Variants in EEF1AKMT1 observed in about 807,000 individuals in gnomAD.
EEF1AKMT1 encodes the protein EEF1A lysine methyltransferase 1.
In EEF1AKMT1, 18 loss-of-function variants were observed where a neutral mutation model predicts 21.0. That is an observed-to-expected ratio of 0.86 (90% CI 0.59 to 1.27). EEF1AKMT1 has a LOEUF of 1.27. EEF1AKMT1 is among the 50% of genes most tolerant of loss of function. The pLI, the probability that EEF1AKMT1 is intolerant of heterozygous loss-of-function variation, is 0.00. For synonymous variants in EEF1AKMT1, 109 were observed against 94.8 expected, an observed-to-expected ratio of 1.15 and a Z score of -0.87; for missense variants, 246 against 258.6, an observed-to-expected ratio of 0.95 and a Z score of 0.33.
At chr13:20,737,380 C>A (rs929616050) in intron 3 of EEF1AKMT1, among the ~76,000 whole-genome samples, 3 of 152,064 alleles carry the variant, frequency 2.0e-5, no homozygotes, top group South Asian at 2.1e-4. Flanking sequence ...TAAATAAATA[C>A]ATACATACAT....
chr13:20,767,167 G>C (rs1011750611), intron 1 of EEF1AKMT1, among the ~76,000 whole-genome samples: 1 of 151,564 alleles, frequency 6.6e-6, no homozygotes. Flanking sequence ...TTAGCCGGGC[G>C]TTGTGGCAAG....
chr13:20,763,531 C>G (rs754217017), intron 1 of EEF1AKMT1, among the ~76,000 whole-genome samples: 20 of 151,910 alleles, frequency 1.3e-4, no homozygotes, highest in Non-Finnish European at 2.8e-4. Context: ...CAGCTCACGG[C>G]AACCTCCGCC....
intron 1 of EEF1AKMT1, among the ~76,000 whole-genome samples, chr13:20,769,684 G>A (rs187783106): frequency 7.9e-5 from 12 of 152,110 alleles, no homozygotes; most frequent in Non-Finnish European, 1.3e-4. Context: ...CTGGTGAAGG[G>A]AGAACAATAT....
chr13:20,743,899 T>G (rs2058887757), intron 2 of EEF1AKMT1, among the ~76,000 whole-genome samples: 1 of 152,022 alleles, frequency 6.6e-6, no homozygotes, highest in Non-Finnish European at 1.5e-5. Flanking sequence ...GTCCATGCCA[T>G]GTGTTCTCAT....
intron 3 of EEF1AKMT1, among the ~76,000 whole-genome samples, chr13:20,734,813 G>T (rs1351609083): frequency 6.6e-6 from 1 of 151,220 alleles, no homozygotes; most frequent in South Asian, 2.1e-4. Context: ...TCATATTAGT[G>T]GCAAAAAAGA....
intron 2 of EEF1AKMT1, among the ~76,000 whole-genome samples, chr13:20,742,580 A>G (rs559820387): frequency 2.0e-5 from 3 of 152,356 alleles, no homozygotes; most frequent in South Asian, 2.1e-4. Context: ...TCTCTTTCCC[A>G]GGTAACATGA....
rs1332595158 is a variant in EEF1AKMT1 at position 20,728,882 on chromosome 13, G to A, written c.*198C>T. On this transcript the variant is annotated 3_prime_UTR_variant, in exon 5 of 5. Transcript: ENST00000382758. Reference sequence around the variant, plus strand: ...TCCAACTCGAATTCCATGGATTCAGGTTGGCAGAAGACTGAGCTCTAGGGA... The same window carrying A: ...TCCAACTCGAATTCCATGGATTCAGATTGGCAGAAGACTGAGCTCTAGGGA... The A allele has an allele frequency of 3.2e-6, 2 of 616,772 alleles. No homozygotes were observed. Among genetic ancestry groups the A allele is most frequent in the African/African-American group, 3.7e-5 (2 of 54,164 alleles). 38.2% of individuals were successfully genotyped at this position (616,772 alleles called of 1,614,324 possible).
At chr13:20,768,323 C>T (rs2059046874) in intron 1 of EEF1AKMT1, among the ~76,000 whole-genome samples, 1 of 152,166 alleles carries the variant, frequency 6.6e-6, no homozygotes, top group Admixed American at 6.5e-5. Context: ...AGCAGAGCAG[C>T]ACTTAGTCTA....
chr13:20,743,580 C>T (rs1299248500), intron 2 of EEF1AKMT1, among the ~76,000 whole-genome samples: 1 of 150,980 alleles, frequency 6.6e-6, no homozygotes. Context: ...TTGCTCCAAT[C>T]ATCACTTTTG....
intron 3 of EEF1AKMT1, 57 bp from the exon 4 acceptor site, chr13:20,732,178 A>G: frequency 6.5e-7 from 1 of 1,532,466 alleles, no homozygotes; most frequent in East Asian, 2.3e-5. Context: ...TTACGGTGTT[A>G]ACAACTTCTT....
chr13:20,765,087 C>T (rs1016262698), intron 1 of EEF1AKMT1, among the ~76,000 whole-genome samples: 10 of 151,950 alleles, frequency 6.6e-5, no homozygotes, highest in Non-Finnish European at 1.0e-4. Flanking sequence ...TAACGAAACC[C>T]CGTCTCTACT....
At chr13:20,773,881 C>A (rs975053526) in intron 1 of EEF1AKMT1, 40 bp downstream of exon 1, 7 of 152,576 alleles carry the variant, frequency 4.6e-5, no homozygotes, top group Non-Finnish European at 7.3e-5. Flanking sequence ...CTCGGCGGCG[C>A]GCAGCCAACC....
intron 4 of EEF1AKMT1, among the ~76,000 whole-genome samples, chr13:20,730,754 A>T (rs961955860): frequency 6.6e-6 from 1 of 152,206 alleles, no homozygotes; most frequent in African/African-American, 2.4e-5. Flanking sequence ...TGGACCAATC[A>T]GCACTCTGTA....
chr13:20,762,089 A>C (rs2059003958), intron 1 of EEF1AKMT1, among the ~76,000 whole-genome samples: 1 of 151,964 alleles, frequency 6.6e-6, no homozygotes, highest in Non-Finnish European at 1.5e-5. Flanking sequence ...ACAGAACGAG[A>C]ACCTTTATTT....
At chr13:20,745,017 G>A (rs1250075762) in intron 2 of EEF1AKMT1, among the ~76,000 whole-genome samples, 1 of 152,156 alleles carries the variant, frequency 6.6e-6, no homozygotes, top group Non-Finnish European at 1.5e-5. Flanking sequence ...TTATTTCTGA[G>A]ATCTCTGTTC....
intron 4 of EEF1AKMT1, among the ~76,000 whole-genome samples, chr13:20,731,626 A>C (rs1019604859): frequency 6.6e-6 from 1 of 152,228 alleles, no homozygotes; most frequent in Non-Finnish European, 1.5e-5. Flanking sequence ...CACCAGACCC[A>C]GTGTTGGGTA....
chr13:20,735,003 A>T (rs1206757711), intron 3 of EEF1AKMT1, among the ~76,000 whole-genome samples: 1 of 152,206 alleles, frequency 6.6e-6, no homozygotes, highest in Non-Finnish European at 1.5e-5. Flanking sequence ...GTGCAATTTC[A>T]TGTTGTCTTA....
chr13:20,771,595 A>G (rs2059063001), intron 1 of EEF1AKMT1, among the ~76,000 whole-genome samples: 1 of 152,226 alleles, frequency 6.6e-6, no homozygotes, highest in Non-Finnish European at 1.5e-5. Flanking sequence ...ACACATGGAG[A>G]GCATAGGGGG....
At chr13:20,756,726 C>T (rs922943359) in intron 2 of EEF1AKMT1, among the ~76,000 whole-genome samples, 3 of 152,248 alleles carry the variant, frequency 2.0e-5, no homozygotes, top group African/African-American at 7.2e-5. Context: ...CCTGTTTGCA[C>T]ACTTTCCTCT....
Sources: allele counts gnomAD v4.1 joint callset (sites outside exome capture counted in the v4.1 genomes callset), GRCh38; gene constraint gnomAD v4.1.1; transcripts MANE v1.5; gene names NCBI Gene and HGNC (gene_info 2026-07-23, HGNC 2026-07-21).